Variants in CLSTN2 observed in about 807,000 individuals in gnomAD.
The protein encoded by CLSTN2 is calsyntenin-2.
Under a neutral mutation model 101.2 loss-of-function variants are expected in CLSTN2, and 48 were observed. The observed-to-expected ratio is 0.47, with a 90% CI of 0.38 to 0.60. The LOEUF is 0.60. Ranked by LOEUF, CLSTN2 falls within the 20% of genes least tolerant of loss-of-function variation. CLSTN2 has a pLI of 0.00. For synonymous variants in CLSTN2, 481 were observed against 463.6 expected (o/e 1.04, Z -0.48); for missense variants, 1,160 against 1,238.2 (o/e 0.94, Z 0.95).
chr3:140,300,005 C>T (rs953983960), intron 2 of CLSTN2, among the ~76,000 whole-genome samples: 4 of 152,116 alleles, frequency 2.6e-5, no homozygotes, highest in South Asian at 2.1e-4. Context: ...GAATAACTTC[C>T]GAATTGTGAA....
intron 10 of CLSTN2, among the ~76,000 whole-genome samples, chr3:140,550,724 C>T (rs1247495050): frequency 6.6e-6 from 1 of 151,490 alleles, no homozygotes; most frequent in Non-Finnish European, 1.5e-5. Context: ...CTAGAGTCAT[C>T]ATAGCCTATG....
chr3:140,040,806 G>T (rs546074587), intron 1 of CLSTN2, among the ~76,000 whole-genome samples: 8 of 152,132 alleles, frequency 5.3e-5, no homozygotes, highest in Admixed American at 5.2e-4. Context: ...AATGCAGCAC[G>T]AGTGACAGCC....
chr3:140,286,114 C>T (rs2086893669), intron 2 of CLSTN2, among the ~76,000 whole-genome samples: 1 of 152,122 alleles, frequency 6.6e-6, no homozygotes, highest in Admixed American at 6.5e-5. Context: ...TTGACTTTAT[C>T]CCCAATTTCT....
intron 1 of CLSTN2, among the ~76,000 whole-genome samples, chr3:140,023,614 G>A (rs116124648): frequency 3.3e-5 from 5 of 152,062 alleles, no homozygotes; most frequent in African/African-American, 1.2e-4. Context: ...ACCCTCCAAG[G>A]GGGGAGCTGC....
chr3:140,101,979 T>C (rs564753252), intron 1 of CLSTN2, among the ~76,000 whole-genome samples: 26 of 152,318 alleles, frequency 1.7e-4, no homozygotes, highest in Non-Finnish European at 3.2e-4. Flanking sequence ...TTCCATACTC[T>C]GGGTCTACAA....
At chr3:140,211,074 TAGAC>T (rs1306918964) in intron 2 of CLSTN2, among the ~76,000 whole-genome samples, 2 of 152,022 alleles carry the variant, frequency 1.3e-5, no homozygotes, top group Admixed American at 6.6e-5. Flanking sequence ...TCTCATCCCT[TAGAC>T]AGACAGAGCC....
intron 1 of CLSTN2, among the ~76,000 whole-genome samples, chr3:140,040,050 C>A (rs952155824): frequency 6.6e-6 from 1 of 152,142 alleles, no homozygotes; most frequent in Admixed American, 6.5e-5. Context: ...ATAAGCCAAG[C>A]ATTTTACTAG....
chr3:140,241,904 CATAT>C (rs755322726), intron 2 of CLSTN2, among the ~76,000 whole-genome samples: 67 of 147,390 alleles, frequency 4.5e-4, no homozygotes, highest in African/African-American at 1.1e-3. Context: ...CACACACACA[CATAT>C]ATATATATAT....
intron 2 of CLSTN2, among the ~76,000 whole-genome samples, chr3:140,233,306 C>G (rs553058847): frequency 3.3e-4 from 50 of 152,296 alleles, no homozygotes; most frequent in African/African-American, 1.2e-3. Context: ...CCTCAGGTCT[C>G]AACAGAGGCT....
At chr3:140,544,745 G>T (rs939005749) in intron 9 of CLSTN2, among the ~76,000 whole-genome samples, 3 of 151,956 alleles carry the variant, frequency 2.0e-5, no homozygotes, top group African/African-American at 4.8e-5. Flanking sequence ...TCCAGGCAGA[G>T]AGAGGGTATG....
In CLSTN2 at chr3:140,490,415, C is replaced by T. The variant is rs1454619427; in HGVS notation, c.1344+23684C>T. On this transcript the variant is annotated intron_variant, in intron 8 of 16. Coordinates refer to ENST00000458420, the MANE Select transcript of CLSTN2 (RefSeq NM_022131.3). ...GGCAACACTGCGGAATCATTTTCCA[C>T]CCAGATCAGGGGCATCCCACGGACA... Among the ~76,000 whole-genome samples, 5 of 151,416 alleles carry T rather than the reference C, an allele frequency of 3.3e-5. No individual in the cohort carries two copies. The South Asian group carries it at 1.1e-3, about 32-fold the overall frequency.
intron 2 of CLSTN2, among the ~76,000 whole-genome samples, chr3:140,273,325 C>T (rs2086762229): frequency 6.6e-6 from 1 of 151,954 alleles, no homozygotes; most frequent in South Asian, 2.1e-4. Flanking sequence ...ACATGTATAC[C>T]TACATAACAA....
At chr3:140,147,733 A>G (rs11921489) in intron 1 of CLSTN2, among the ~76,000 whole-genome samples, 25,724 of 152,106 alleles carry the variant, frequency 0.17, 6,624 homozygotes, top group African/African-American at 0.56. Flanking sequence ...ACAGTATTCT[A>G]CCCTCAGGGA....
intron 2 of CLSTN2, among the ~76,000 whole-genome samples, chr3:140,326,491 G>A (rs2087333196): frequency 6.6e-6 from 1 of 152,098 alleles, no homozygotes; most frequent in Admixed American, 6.5e-5. Flanking sequence ...ACCTAGAATG[G>A]GCTGGGCATT....
chr3:139,995,402 T>C (rs966562601), intron 1 of CLSTN2, among the ~76,000 whole-genome samples: 1 of 152,242 alleles, frequency 6.6e-6, no homozygotes, highest in Non-Finnish European at 1.5e-5. Context: ...AGGCAGGAAG[T>C]AGCTTGAGCT....
At chr3:140,037,813 T>C (rs769588213) in intron 1 of CLSTN2, among the ~76,000 whole-genome samples, 25 of 152,228 alleles carry the variant, frequency 1.6e-4, no homozygotes, top group Non-Finnish European at 3.1e-4. Context: ...TTTTTGTTCA[T>C]GTGTTAGTTT....
chr3:140,561,570 G>A lies in CLSTN2; in HGVS notation c.2042-568G>A, dbSNP rs573552298. ...GATTATTAATGATTCAGCTCCATTTGAGCAAGGTTTATTAATAACAATTCC... is the reference window on the plus strand; with the variant it reads ...GATTATTAATGATTCAGCTCCATTTAAGCAAGGTTTATTAATAACAATTCC... On this transcript the variant is annotated intron_variant, in intron 12 of 16. Transcript: ENST00000458420. Among the ~76,000 whole-genome samples the A allele has an allele frequency of 5.9e-5, 9 of 152,242 alleles. No individual in the cohort carries two copies. In the South Asian group the frequency reaches 1.9e-3, roughly 32 times the overall value.
chr3:140,464,408 C>T (rs1216260552), intron 7 of CLSTN2, among the ~76,000 whole-genome samples: 2 of 152,196 alleles, frequency 1.3e-5, no homozygotes, highest in Admixed American at 1.3e-4. Context: ...TAGGATCTAC[C>T]TGAGACGTGG....
chr3:140,143,790 A>G (rs2009739159), intron 1 of CLSTN2, among the ~76,000 whole-genome samples: 1 of 152,218 alleles, frequency 6.6e-6, no homozygotes, highest in South Asian at 2.1e-4. Context: ...AGAAGTGTGA[A>G]GAAAGACATG....
Sources: allele counts gnomAD v4.1 joint callset (sites outside exome capture counted in the v4.1 genomes callset), GRCh38; gene constraint gnomAD v4.1.1; transcripts MANE v1.5; gene names NCBI Gene and HGNC (gene_info 2026-07-23, HGNC 2026-07-21).